The following KRABD3 variants were observed in gnomAD, a reference collection of about 807,000 sequenced individuals.
The protein encoded by KRABD3 is KRAB domain-containing protein 3.
chr7:149,729,241 G>A, the KRABD3 span: 16 of 1,599,866 alleles, frequency 1.0e-5, no homozygotes, highest in Non-Finnish European at 1.4e-5. Context: ...TAGGGGAGAA[G>A]CGCCCACCCG....
At chr7:149,722,478 G>A in the KRABD3 span, 1 of 1,606,720 alleles carries the variant, frequency 6.2e-7, no homozygotes, top group South Asian at 1.1e-5. Context: ...CCTGGGCGGG[G>A]AGCCCAGCCC....
chr7:149,721,620 C>T, the KRABD3 span: 182 of 1,459,290 alleles, frequency 1.2e-4, no homozygotes, highest in Non-Finnish European at 9.4e-5. Flanking sequence ...CCTGTGCCCT[C>T]TTCATTTTTT....
chr7:149,729,524 G>T, the KRABD3 span: 4 of 985,422 alleles, frequency 4.1e-6, no homozygotes, highest in African/African-American at 1.7e-5. Context: ...ACTGAGGTTC[G>T]CTAAACAAGA....
the KRABD3 span, chr7:149,719,643 G>A: frequency 8.6e-5 from 139 of 1,608,886 alleles, no homozygotes; most frequent in South Asian, 7.4e-4. The surrounding 1 kb of genome is among the most constrained non-coding windows in gnomAD (Gnocchi z 5.6). Context: ...GACGTGATGC[G>A]GGAGAACTAC....
the KRABD3 span, chr7:149,722,362 G>A: frequency 1.3e-6 from 2 of 1,561,962 alleles, no homozygotes; most frequent in Non-Finnish European, 1.7e-6. Context: ...CAGATCTGGT[G>A]TGATTTTCCA....
the KRABD3 span, chr7:149,726,117 T>G: frequency 6.7e-7 from 1 of 1,491,858 alleles, no homozygotes; most frequent in Non-Finnish European, 9.1e-7. Context: ...CAAGGCCCCT[T>G]GCCCAGTCCC....
At chr7:149,729,200 A>G in the KRABD3 span, 1 of 1,552,016 alleles carries the variant, frequency 6.4e-7, no homozygotes, top group Non-Finnish European at 8.7e-7. Context: ...CTGAGGGCTG[A>G]GGCCTGCGAG....
the KRABD3 span, chr7:149,721,407 T>C: frequency 6.2e-7 from 1 of 1,609,704 alleles, no homozygotes; most frequent in Middle Eastern, 1.9e-4. Flanking sequence ...CCCTGCCCTC[T>C]CCGAGGCCTG....
the KRABD3 span, among the ~76,000 whole-genome samples, chr7:149,716,366 C>T: frequency 6.6e-6 from 1 of 152,216 alleles, no homozygotes; most frequent in African/African-American, 2.4e-5. Flanking sequence ...AGCTTTTCTC[C>T]ATTGGTTGGG....
the KRABD3 span, among the ~76,000 whole-genome samples, chr7:149,732,113 C>T: frequency 3.3e-5 from 5 of 152,182 alleles, no homozygotes; most frequent in Non-Finnish European, 7.4e-5. This position sits in a 1 kb window ranked among gnomAD's most constrained non-coding sequence, Gnocchi z 4.0. Context: ...CGTGCCCCTA[C>T]GGACTCATGG....
chr7:149,722,011 A>G, the KRABD3 span: 6 of 372,246 alleles, frequency 1.6e-5, no homozygotes, highest in African/African-American at 2.1e-5. Flanking sequence ...TCAAATTTAT[A>G]TGGAATAAAA....
the KRABD3 span, chr7:149,731,855 G>A: frequency 1.9e-6 from 2 of 1,035,210 alleles, no homozygotes; most frequent in African/African-American, 3.2e-5. Context: ...GCCTTCCAGG[G>A]TCAGTGTTTG....
the KRABD3 span, chr7:149,720,950 C>T: frequency 6.2e-7 from 1 of 1,613,706 alleles, no homozygotes; most frequent in Admixed American, 1.7e-5. Flanking sequence ...AGAGCGAGAG[C>T]CGGGGAGCCA....
the KRABD3 span, chr7:149,720,113 G>A: frequency 6.4e-7 from 1 of 1,552,276 alleles, no homozygotes; most frequent in Non-Finnish European, 8.7e-7. Flanking sequence ...CCTGCTGGTT[G>A]TGGAGATCCC....
At chr7:149,719,450 C>T in the KRABD3 span, 16 of 1,316,014 alleles carry the variant, frequency 1.2e-5, no homozygotes, top group East Asian at 1.6e-4. This position sits in a 1 kb window ranked among gnomAD's most constrained non-coding sequence, Gnocchi z 5.6. Flanking sequence ...CTGGAGTGTG[C>T]GCCTGGAGGC....
the KRABD3 span, chr7:149,715,287 C>G: frequency 1.6e-6 from 2 of 1,220,014 alleles, no homozygotes; most frequent in Non-Finnish European, 2.0e-6. Flanking sequence ...GGGAAACCCC[C>G]TTGGCGTGGC....
the KRABD3 span, chr7:149,721,107 A>C: frequency 7.3e-7 from 1 of 1,361,012 alleles, no homozygotes; most frequent in Non-Finnish European, 9.9e-7. Context: ...AGGCAGAGTC[A>C]CCTGCTGTTC....
chr7:149,719,584 G>A, the KRABD3 span: 265 of 1,607,682 alleles, frequency 1.6e-4, 1 homozygote, highest in African/African-American at 3.1e-3. The surrounding 1 kb of genome is among the most constrained non-coding windows in gnomAD (Gnocchi z 5.6). Flanking sequence ...TGCGGTTCTC[G>A]GAGGAGGAGT....
chr7:149,732,737 G>A, the KRABD3 span, among the ~76,000 whole-genome samples: 1 of 152,198 alleles, frequency 6.6e-6, no homozygotes, highest in Non-Finnish European at 1.5e-5. The surrounding 1 kb of genome is among the most constrained non-coding windows in gnomAD (Gnocchi z 4.0). Flanking sequence ...GAGTTCTGGA[G>A]TGGCCCCAGG....
Sources: allele counts gnomAD v4.1 joint callset (sites outside exome capture counted in the v4.1 genomes callset), GRCh38; gene constraint gnomAD v4.1.1; non-coding constraint Gnocchi (gnomAD v3.1); transcripts MANE v1.5; gene names NCBI Gene and HGNC (gene_info 2026-07-23, HGNC 2026-07-21).